The following S100Z variants were observed in gnomAD, a reference collection of about 807,000 sequenced individuals.
The protein encoded by S100Z is S100 calcium binding protein Z.
Under a neutral mutation model 8.5 loss-of-function variants are expected in S100Z, and 11 were observed. The observed-to-expected ratio is 1.30, with a 90% CI of 0.82 to 2.15. The LOEUF is 2.15. Among genes scored for constraint, S100Z ranks in the 30% most tolerant of loss-of-function variants. S100Z has a pLI of 0.00. For synonymous variants in S100Z, 34 were observed against 43.8 expected, an observed-to-expected ratio of 0.78 and a Z score of 0.89; for missense variants, 126 against 117.9, an observed-to-expected ratio of 1.07 and a Z score of -0.32.
intron 1 of S100Z, among the ~76,000 whole-genome samples, chr5:76,860,934 A>G (rs1751037332): frequency 6.6e-6 from 1 of 152,290 alleles, no homozygotes; most frequent in Non-Finnish European, 1.5e-5. Flanking sequence ...TTTACATTGC[A>G]CTATTTTTCT....
chr5:76,877,708 T>C lies in S100Z; in HGVS notation c.176T>C (p.Val59Ala). The change falls in exon 4 of 5, where the codon GTG becomes GCG. Residue 59 changes from valine (V) to alanine (A), a missense_variant. Val to Ala is a moderately conservative substitution (Grantham distance 64, BLOSUM62 0). Coordinates refer to ENST00000317593, the MANE Select transcript of S100Z (RefSeq NM_130772.4). ...QKETQLVDKIVQDLDANKDNE... is the reference protein window; with the variant it reads ...QKETQLVDKIAQDLDANKDNE... ...GAAACCCAGTTGGTTGATAAGATAG[T>C]GCAGGACCTGGATGCCAATAAGGAC... 2.5e-6 allele frequency: 4 copies of C among 1,612,710 alleles called. No homozygotes were observed. Among genetic ancestry groups the C allele is most frequent in the Non-Finnish European group, 8.5e-7 (1 of 1,178,702 alleles).
rs1271236192 is a variant in S100Z at position 76,863,699 on chromosome 5, C to T, written c.-175-6467C>T. Among the ~76,000 whole-genome samples, 21 of 151,850 alleles carry T rather than the reference C, an allele frequency of 1.4e-4. 1 individual carries two copies. The highest frequency in any genetic ancestry group is 1.5e-4 in the Non-Finnish European group (10 of 68,014). Reference sequence around the variant, plus strand: ...GACTACAGGCACCCGCCACCACACCCAGCTAATTTTTTGTATTTTTAGTAG... The same window carrying T: ...GACTACAGGCACCCGCCACCACACCTAGCTAATTTTTTGTATTTTTAGTAG... On this transcript the variant is annotated intron_variant, in intron 1 of 4. Transcript: ENST00000317593.
the S100Z span, among the ~76,000 whole-genome samples, chr5:76,949,608 A>G: frequency 6.6e-6 from 1 of 152,242 alleles, no homozygotes; most frequent in African/African-American, 2.4e-5. Flanking sequence ...TATACATACA[A>G]TGGAATATTA....
rs1049517557 is a variant in S100Z, at chr5:76,901,779, A to G, written c.*3-18938A>G. 1.2e-4 allele frequency among the ~76,000 whole-genome samples: 18 copies of G among 152,236 alleles called. No individual in the cohort carries two copies. In the Middle Eastern group the frequency reaches 0.01, roughly 86 times the overall value. Reference sequence around the variant, plus strand: ...CCTCTGCTTTTCTCAGGCAGAAGGAACGTTGCTCCATAGCCACCACAGCTG... The same window carrying G: ...CCTCTGCTTTTCTCAGGCAGAAGGAGCGTTGCTCCATAGCCACCACAGCTG... On this transcript the variant is annotated intron_variant, in intron 4 of 4. Transcript: ENST00000317593.
intron 4 of S100Z, among the ~76,000 whole-genome samples, chr5:76,911,302 G>C (rs1744649683): frequency 6.6e-6 from 1 of 152,182 alleles, no homozygotes; most frequent in Middle Eastern, 3.2e-3. Flanking sequence ...ACGGTCAGTG[G>C]AGACTAGTGG....
the S100Z span, among the ~76,000 whole-genome samples, chr5:76,934,279 C>T: frequency 6.6e-6 from 1 of 152,112 alleles, no homozygotes; most frequent in Non-Finnish European, 1.5e-5. Flanking sequence ...TCCTTCTAAA[C>T]GATAATCCTT....
intron 1 of S100Z, among the ~76,000 whole-genome samples, chr5:76,869,236 T>TA (rs1176148312): frequency 3.3e-5 from 5 of 151,678 alleles, no homozygotes; most frequent in South Asian, 4.2e-4. Context: ...GTGGGGAACA[T>TA]ACGGCAGACA....
chr5:76,894,310 T>C (rs771584902), intron 4 of S100Z, among the ~76,000 whole-genome samples: 1 of 152,168 alleles, frequency 6.6e-6, no homozygotes, highest in Non-Finnish European at 1.5e-5. Flanking sequence ...ATTTCTTAAA[T>C]GTATTTGATT....
At chr5:76,931,800 T>A in the S100Z span, among the ~76,000 whole-genome samples, 12 of 136,534 alleles carry the variant, frequency 8.8e-5, no homozygotes, top group African/African-American at 2.4e-4. Flanking sequence ...GGGTTTTTTT[T>A]ATTCTTCTTT....
intron 4 of S100Z, among the ~76,000 whole-genome samples, chr5:76,901,504 C>T (rs1744224005): frequency 6.6e-6 from 1 of 152,232 alleles, no homozygotes; most frequent in African/African-American, 2.4e-5. Flanking sequence ...CATAGCCACC[C>T]CGACCCCAGG....
intron 3 of S100Z, among the ~76,000 whole-genome samples, chr5:76,877,330 T>G (rs760394252): frequency 1.3e-4 from 20 of 152,214 alleles, no homozygotes; most frequent in African/African-American, 1.9e-4. Context: ...TGGCTTCAAA[T>G]CCTCCCTCTT....
Position 76,864,386 on chromosome 5 carries a change from A to ATTTTT in S100Z, c.-175-5751_-175-5747dup, listed in dbSNP as rs56206322. Among the ~76,000 whole-genome samples, 153 of 72,176 alleles carry ATTTTT rather than the reference A, an allele frequency of 2.1e-3. 7 individuals carry two copies. The highest frequency in any genetic ancestry group is 5.1e-3 in the South Asian group (8 of 1,570). 47.4% of individuals were successfully genotyped at this position (72,176 alleles called of 152,430 possible). A position where few individuals can be genotyped will look rare whatever the true frequency, so the allele number is the denominator to read the frequency against. ...TATGTTACTGCTTAATGCATACTAT[A>ATTTTT]TTTTTTTTTTTTTTTTTTTTTTTTT... On this transcript the variant is annotated intron_variant, in intron 1 of 4. Coordinates refer to ENST00000317593, the MANE Select transcript of S100Z (RefSeq NM_130772.4).
intron 4 of S100Z, among the ~76,000 whole-genome samples, chr5:76,912,012 A>G (rs374292444): frequency 2.0e-5 from 3 of 152,224 alleles, no homozygotes; most frequent in East Asian, 1.9e-4. Flanking sequence ...CAACCCCACA[A>G]CCAGTGGCAT....
chr5:76,937,752 C>CAAAAAAAAA, the S100Z span, among the ~76,000 whole-genome samples: 35 of 73,194 alleles, frequency 4.8e-4, no homozygotes, highest in Admixed American at 7.7e-4. Flanking sequence ...GACCCTGTCT[C>CAAAAAAAAA]AAAAAAAAAA....
chr5:76,942,486 CT>C, the S100Z span, among the ~76,000 whole-genome samples: 1 of 150,136 alleles, frequency 6.7e-6, no homozygotes, highest in South Asian at 2.1e-4. Context: ...CTGTCTTCTC[CT>C]AAATGACTTA....
the S100Z span, among the ~76,000 whole-genome samples, chr5:76,927,457 A>G: frequency 6.6e-6 from 1 of 152,174 alleles, no homozygotes; most frequent in African/African-American, 2.4e-5. Flanking sequence ...CCAAGTCTCA[A>G]AATATCAAGC....
chr5:76,926,945 A>C, the S100Z span, among the ~76,000 whole-genome samples: 1 of 152,116 alleles, frequency 6.6e-6, no homozygotes, highest in East Asian at 1.9e-4. Context: ...TTTCATCTGG[A>C]TGTTTTGTTA....
the S100Z span, among the ~76,000 whole-genome samples, chr5:76,933,549 A>G: frequency 6.6e-6 from 1 of 152,194 alleles, no homozygotes; most frequent in African/African-American, 2.4e-5. Context: ...GGTGGTAGCT[A>G]CCTACCATCC....
chr5:76,943,953 C>T, the S100Z span, among the ~76,000 whole-genome samples: 308 of 151,986 alleles, frequency 2.0e-3, 1 homozygote, highest in Non-Finnish European at 3.7e-3. Flanking sequence ...CGGATTTTTG[C>T]ATTAATTTTT....
Sources: gnomAD v4.1 joint callset for allele counts (sites outside exome capture counted in the v4.1 genomes callset) on GRCh38, gnomAD v4.1.1 for gene constraint, MANE v1.5 for transcripts, NCBI Gene and HGNC (gene_info 2026-07-23, HGNC 2026-07-21) for gene names.